The following ZNRF1 variants were observed in gnomAD, a reference collection of about 807,000 sequenced individuals.
ZNRF1 encodes the protein E3 ubiquitin-protein ligase ZNRF1.
In ZNRF1, 3 loss-of-function variants were observed where a neutral mutation model predicts 18.4. The observed-to-expected ratio is 0.16, with a 90% CI of 0.07 to 0.42. The LOEUF (loss-of-function observed/expected upper bound fraction) is 0.42, where lower values mean the gene tolerates loss of function less well. Among genes scored for constraint, ZNRF1 ranks in the 10% least tolerant of loss-of-function variants. The pLI is 0.99. For synonymous variants in ZNRF1, 157 were observed against 144.2 expected, an observed-to-expected ratio of 1.09 and a Z score of -0.64; for missense variants, 310 against 329.8, an observed-to-expected ratio of 0.94 and a Z score of 0.47.
intron 1 of ZNRF1, among the ~76,000 whole-genome samples, chr16:75,040,042 C>CTTTTTTTT (rs57122648): frequency 2.4e-3 from 187 of 78,838 alleles, no homozygotes; most frequent in African/African-American, 4.6e-3. Flanking sequence ...TCTTTTCTTT[C>CTTTTTTTT]TTTTTTTTTT....
chr16:75,026,102 G>C (rs372067627), intron 1 of ZNRF1, among the ~76,000 whole-genome samples: 1 of 152,180 alleles, frequency 6.6e-6, no homozygotes, highest in Non-Finnish European at 1.5e-5. Flanking sequence ...TGACAGGTCA[G>C]CAGGGGCCTG....
chr16:75,108,332 C>T lies in ZNRF1; in HGVS notation c.*632C>T, dbSNP rs2036341396. 3 of 368,016 alleles carry T rather than the reference C, an allele frequency of 8.2e-6. No homozygotes were observed. The allele number at this position is 368,016 out of a possible 1,614,324, so 22.8% of individuals were successfully genotyped here. ...CAACCCATTGAGAACTTTCTTCCTA[C>T]TGATCCCATCTCTTTTCCCTTCTTT... On this transcript the variant is annotated 3_prime_UTR_variant, in exon 5 of 5. Coordinates refer to ENST00000335325, the MANE Select transcript of ZNRF1 (RefSeq NM_032268.5).
chr16:75,099,420 C>T (rs2036232295), intron 2 of ZNRF1, among the ~76,000 whole-genome samples: 1 of 152,122 alleles, frequency 6.6e-6, no homozygotes, highest in Admixed American at 6.5e-5. Context: ...CATCATCCCT[C>T]CCTCCTGTTT....
chr16:75,100,617 A>G lies in ZNRF1; in HGVS notation c.521-4167A>G, dbSNP rs557720711. 7.9e-5 allele frequency among the ~76,000 whole-genome samples: 12 copies of G among 152,342 alleles called. No homozygotes were observed. The East Asian group carries it at 2.1e-3, about 27-fold the overall frequency. ...GTATGGGACCCAGAGAATTCTAACT[A>G]GTCCCTTGGGCTCACAGTTGAGTTA... On this transcript the variant is annotated intron_variant, in intron 2 of 4. Coordinates refer to ENST00000335325, the MANE Select transcript of ZNRF1 (RefSeq NM_032268.5).
chr16:75,069,709 G>A (rs1265807647), intron 1 of ZNRF1, among the ~76,000 whole-genome samples: 2 of 152,180 alleles, frequency 1.3e-5, no homozygotes, highest in East Asian at 3.8e-4. Flanking sequence ...ATTGTGCATG[G>A]CCTCATCTGG....
chr16:75,083,435 TGGAATTC>T (rs1012450812), intron 1 of ZNRF1, among the ~76,000 whole-genome samples: 16 of 152,218 alleles, frequency 1.1e-4, no homozygotes, highest in African/African-American at 3.1e-4. Context: ...CCAGTCAGTG[TGGAATTC>T]AGAAACCTCA....
At chr16:75,030,939 C>T (rs1203269064) in intron 1 of ZNRF1, among the ~76,000 whole-genome samples, 2 of 145,632 alleles carry the variant, frequency 1.4e-5, no homozygotes, top group Non-Finnish European at 3.0e-5. Context: ...CTCCCGGGTT[C>T]AAGCAATTCT....
intron 1 of ZNRF1, among the ~76,000 whole-genome samples, chr16:75,058,413 A>G (rs1425189156): frequency 1.3e-5 from 2 of 152,296 alleles, no homozygotes; most frequent in African/African-American, 4.8e-5. Context: ...ATAACACAAT[A>G]AATGTTAGAC....
intron 1 of ZNRF1, among the ~76,000 whole-genome samples, chr16:75,048,882 A>G (rs2035551824): frequency 6.6e-6 from 1 of 152,180 alleles, no homozygotes; most frequent in African/African-American, 2.4e-5. Flanking sequence ...CCTTACATTC[A>G]TTGAATTAAA....
chr16:75,006,378 G>GT (rs1234188058), intron 1 of ZNRF1, among the ~76,000 whole-genome samples: 1 of 152,138 alleles, frequency 6.6e-6, no homozygotes, highest in Non-Finnish European at 1.5e-5. Context: ...TAAGGTTGTG[G>GT]TTCTAGAATC....
At chr16:75,009,356 C>T (rs2034965074) in intron 1 of ZNRF1, among the ~76,000 whole-genome samples, 1 of 152,160 alleles carries the variant, frequency 6.6e-6, no homozygotes, top group African/African-American at 2.4e-5. Context: ...ATTCTAAGTA[C>T]TGCATGTAAG....
intron 1 of ZNRF1, among the ~76,000 whole-genome samples, chr16:75,081,601 G>C (rs1360048294): frequency 6.6e-6 from 1 of 152,214 alleles, no homozygotes; most frequent in Non-Finnish European, 1.5e-5. Context: ...GCAGCAGTGG[G>C]TTTTGGGTCC....
Position 75,018,913 on chromosome 16 carries a change from C to G in ZNRF1, c.424+18818C>G, listed in dbSNP as rs540181359. Among the ~76,000 whole-genome samples the G allele has an allele frequency of 4.4e-4, 67 of 152,288 alleles. 1 individual carries two copies. In the South Asian group the frequency reaches 0.013, roughly 30 times the overall value. Reference sequence around the variant, plus strand: ...AGGCTTGGTGGCTCACGCCTGTAATCCCAGCACTTTGGGAGGCTGAGGCAG... The same window carrying G: ...AGGCTTGGTGGCTCACGCCTGTAATGCCAGCACTTTGGGAGGCTGAGGCAG... On this transcript the variant is annotated intron_variant, in intron 1 of 4. Transcript: ENST00000335325.
intron 1 of ZNRF1, among the ~76,000 whole-genome samples, chr16:75,006,332 C>G (rs1008459917): frequency 2.6e-5 from 4 of 152,176 alleles, no homozygotes; most frequent in African/African-American, 7.2e-5. Flanking sequence ...TCCTACTCAT[C>G]CTTAGGTAGG....
chr16:75,055,888 G>T (rs1597884379), intron 1 of ZNRF1, among the ~76,000 whole-genome samples: 1 of 152,224 alleles, frequency 6.6e-6, no homozygotes, highest in East Asian at 1.9e-4. Flanking sequence ...GGACCAAGAG[G>T]GTCTTCTAAG....
At chr16:75,096,028 C>T (rs1323914880) in intron 2 of ZNRF1, among the ~76,000 whole-genome samples, 1 of 148,842 alleles carries the variant, frequency 6.7e-6, no homozygotes, top group Non-Finnish European at 1.5e-5. Context: ...CAGGCCACCT[C>T]CTCAAGGGTG....
chr16:75,056,806 T>C (rs1366295739), intron 1 of ZNRF1, among the ~76,000 whole-genome samples: 1 of 152,112 alleles, frequency 6.6e-6, no homozygotes, highest in Non-Finnish European at 1.5e-5. Flanking sequence ...TTTGTATTTT[T>C]AGTAGAGATG....
intron 2 of ZNRF1, among the ~76,000 whole-genome samples, chr16:75,099,831 A>T (rs2036236289): frequency 6.6e-6 from 1 of 152,150 alleles, no homozygotes; most frequent in South Asian, 2.1e-4. Context: ...TGCTTCTGGA[A>T]GTCTTGTAGG....
chr16:75,085,664 C>G (rs910063486), intron 1 of ZNRF1, among the ~76,000 whole-genome samples: 1 of 152,090 alleles, frequency 6.6e-6, no homozygotes, highest in Admixed American at 6.5e-5. Context: ...TGTGAGAGTT[C>G]CGGTTGCTAC....
Sources: gnomAD v4.1 joint callset for allele counts (sites outside exome capture counted in the v4.1 genomes callset) on GRCh38, gnomAD v4.1.1 for gene constraint, MANE v1.5 for transcripts, NCBI Gene and HGNC (gene_info 2026-07-23, HGNC 2026-07-21) for gene names.